Variants in ATOSA observed in about 807,000 individuals in gnomAD.
The protein encoded by ATOSA is atos homolog A.
chr15:52,609,874 G>C, the ATOSA span: 48 of 1,613,546 alleles, frequency 3.0e-5, no homozygotes, highest in East Asian at 6.0e-4. Flanking sequence ...CTGGCGGTTA[G>C]AGATACTGGA....
the ATOSA span, among the ~76,000 whole-genome samples, chr15:52,690,819 T>C: frequency 2.0e-5 from 3 of 152,302 alleles, no homozygotes; most frequent in East Asian, 5.8e-4. Context: ...ATGGCATGGA[T>C]TGCTCAAGAT....
chr15:52,634,407 G>A, the ATOSA span, among the ~76,000 whole-genome samples: 9 of 151,974 alleles, frequency 5.9e-5, no homozygotes, highest in African/African-American at 2.2e-4. Context: ...AAAAGAAAAA[G>A]AGTGAAAAAG....
chr15:52,584,894 A>G, the ATOSA span: 3 of 1,613,282 alleles, frequency 1.9e-6, no homozygotes, highest in Non-Finnish European at 1.7e-6. Flanking sequence ...CTCGTAAATC[A>G]TATATCACAA....
chr15:52,628,539 C>T, the ATOSA span, among the ~76,000 whole-genome samples: 1 of 152,034 alleles, frequency 6.6e-6, no homozygotes, highest in Non-Finnish European at 1.5e-5. Context: ...CAGTAATTAC[C>T]TGTCAATCTG....
the ATOSA span, among the ~76,000 whole-genome samples, chr15:52,651,589 T>A: frequency 6.6e-6 from 1 of 152,216 alleles, no homozygotes; most frequent in Non-Finnish European, 1.5e-5. Context: ...CTATCACATT[T>A]TTTCCCCATT....
chr15:52,644,794 T>G, the ATOSA span, among the ~76,000 whole-genome samples: 2 of 152,104 alleles, frequency 1.3e-5, no homozygotes, highest in African/African-American at 4.8e-5. Context: ...GGGCAAAAAT[T>G]GTCAAAAATA....
At chr15:52,655,896 T>C in the ATOSA span, among the ~76,000 whole-genome samples, 1 of 152,128 alleles carries the variant, frequency 6.6e-6, no homozygotes, top group African/African-American at 2.4e-5. Context: ...AAAGTGGGAA[T>C]AATCATTTCT....
the ATOSA span, among the ~76,000 whole-genome samples, chr15:52,582,980 C>T: frequency 6.6e-6 from 1 of 152,322 alleles, no homozygotes; most frequent in Admixed American, 6.5e-5. Context: ...GCTAATTTCT[C>T]TTTGTTTTTC....
chr15:52,665,923 T>C, the ATOSA span, among the ~76,000 whole-genome samples: 1 of 152,266 alleles, frequency 6.6e-6, no homozygotes, highest in African/African-American at 2.4e-5. Flanking sequence ...CATGAAAATA[T>C]ACAAATTACA....
the ATOSA span, chr15:52,609,300 G>T: frequency 1.9e-5 from 31 of 1,613,962 alleles, no homozygotes; most frequent in South Asian, 3.4e-4. Flanking sequence ...TGGAAACTGA[G>T]GACTCATCCT....
the ATOSA span, chr15:52,611,441 G>C: frequency 8.5e-7 from 1 of 1,172,428 alleles, no homozygotes; most frequent in South Asian, 1.6e-5. Context: ...ACTCATTTTA[G>C]TGCCAAATAT....
chr15:52,677,862 C>G, the ATOSA span: 1 of 1,194,630 alleles, frequency 8.4e-7, no homozygotes, highest in Non-Finnish European at 1.2e-6. Context: ...TCTACCTCAC[C>G]AGCTGGAATC....
the ATOSA span, among the ~76,000 whole-genome samples, chr15:52,672,823 G>T: frequency 6.6e-6 from 1 of 152,046 alleles, no homozygotes; most frequent in African/African-American, 2.4e-5. Context: ...TTAGTCCACT[G>T]AATCATTTCC....
the ATOSA span, among the ~76,000 whole-genome samples, chr15:52,707,343 C>T: frequency 6.6e-5 from 10 of 152,096 alleles, no homozygotes; most frequent in African/African-American, 2.4e-4. Context: ...AAATTAACAC[C>T]ACTCAATAGA....
chr15:52,608,701 T>G, the ATOSA span: 1 of 1,612,686 alleles, frequency 6.2e-7, no homozygotes, highest in Non-Finnish European at 8.5e-7. Context: ...TTGGTCTGAC[T>G]TTTTACATTT....
At chr15:52,600,231 G>A in the ATOSA span, 3 of 1,591,226 alleles carry the variant, frequency 1.9e-6, no homozygotes, top group African/African-American at 1.4e-5. Flanking sequence ...AAACATGGTC[G>A]AGGACTATTA....
At chr15:52,650,223 C>T in the ATOSA span, among the ~76,000 whole-genome samples, 133 of 152,222 alleles carry the variant, frequency 8.7e-4, no homozygotes, top group African/African-American at 3.1e-3. Flanking sequence ...CTCCAAACTC[C>T]CTTTCATACC....
chr15:52,654,961 T>C, the ATOSA span, among the ~76,000 whole-genome samples: 2 of 151,960 alleles, frequency 1.3e-5, no homozygotes, highest in African/African-American at 4.8e-5. Context: ...ATATATTAAA[T>C]AGCCACTACC....
At chr15:52,624,420 C>T in the ATOSA span, among the ~76,000 whole-genome samples, 1 of 152,158 alleles carries the variant, frequency 6.6e-6, no homozygotes, top group African/African-American at 2.4e-5. Flanking sequence ...TAAATGGTTA[C>T]TGTAGGGTGT....
Sources: allele counts gnomAD v4.1 joint callset (sites outside exome capture counted in the v4.1 genomes callset), GRCh38; gene constraint gnomAD v4.1.1; transcripts MANE v1.5; gene names NCBI Gene and HGNC (gene_info 2026-07-23, HGNC 2026-07-21).